Variants in NRG4 observed in about 807,000 individuals in gnomAD.
NRG4 encodes the protein neuregulin 4.
In NRG4, 10 loss-of-function variants were observed where a neutral mutation model predicts 15.0. The ratio of observed to expected loss-of-function variants is 0.67; its 90% confidence interval spans 0.41 to 1.13. The LOEUF is 1.13. Among genes scored for constraint, NRG4 ranks in the 50% most tolerant of loss-of-function variants. The pLI, the probability that NRG4 is intolerant of heterozygous loss-of-function variation, is 0.00. For missense variants in NRG4, 139 were observed against 140.2 expected, an observed-to-expected ratio of 0.99 and a Z score of 0.04; for synonymous variants, 41 against 50.1, an observed-to-expected ratio of 0.82 and a Z score of 0.77.
chr15:76,010,870 T>G (rs1345373198), intron 2 of NRG4, among the ~76,000 whole-genome samples: 1 of 152,140 alleles, frequency 6.6e-6, no homozygotes, highest in African/African-American at 2.4e-5. Context: ...TTGGCATTTA[T>G]TTTATCAATA....
intron 3 of NRG4, among the ~76,000 whole-genome samples, chr15:76,007,131 T>C (rs1486496406): frequency 6.6e-6 from 1 of 151,156 alleles, no homozygotes; most frequent in Non-Finnish European, 1.5e-5. Context: ...CATTAAATAC[T>C]GCCTATTAGA....
intron 3 of NRG4, among the ~76,000 whole-genome samples, chr15:76,000,681 T>A (rs995693388): frequency 1.3e-5 from 2 of 152,194 alleles, no homozygotes; most frequent in African/African-American, 4.8e-5. Flanking sequence ...TACTGATATA[T>A]AATTGTATAA....
chr15:75,973,888 A>C (rs2033235329), intron 3 of NRG4, among the ~76,000 whole-genome samples: 2 of 152,176 alleles, frequency 1.3e-5, no homozygotes, highest in African/African-American at 4.8e-5. Context: ...TCATAAAATG[A>C]TTTAGGGAGG....
intron 5 of NRG4, among the ~76,000 whole-genome samples, chr15:76,031,583 G>A (rs1270700040): frequency 2.6e-5 from 4 of 152,154 alleles, no homozygotes; most frequent in South Asian, 2.1e-4. Flanking sequence ...CCAGCTACTC[G>A]GGAGGCTGAG....
Position 75,966,679 on chromosome 15 carries a change from C to A in NRG4, c.105-4705G>T, listed in dbSNP as rs74522842. Among the ~76,000 whole-genome samples the A allele has an allele frequency of 9.1e-3, 1,388 of 152,272 alleles. 8 individuals are homozygous for A. The highest frequency in any genetic ancestry group is 0.016 in the Non-Finnish European group (1,071 of 68,018). On this transcript the variant is annotated intron_variant, in intron 3 of 5. Coordinates refer to ENST00000394907, the MANE Select transcript of NRG4 (RefSeq NM_138573.4). ...CTGGTCTATCCTGGAAAGAGAAAGT[C>A]TAATACTGGCATACGTCAAATCTGG...
Position 75,963,069 on chromosome 15 carries a change from G to A in NRG4, c.105-1095C>T, listed in dbSNP as rs73449058. 5.0e-3 allele frequency among the ~76,000 whole-genome samples: 769 copies of A among 152,296 alleles called. 4 individuals carry two copies. The highest frequency in any genetic ancestry group is 0.017 in the African/African-American group (724 of 41,554). ...TTAACTACTAGCTTTGATAACTAAT[G>A]TGATAGTCTAATAAAGCAGTATACA... is the stretch of plus-strand genomic sequence containing the variant. On this transcript the variant is annotated intron_variant, in intron 3 of 5. Coordinates refer to ENST00000394907, the MANE Select transcript of NRG4 (RefSeq NM_138573.4).
intron 5 of NRG4, among the ~76,000 whole-genome samples, chr15:76,019,567 C>A (rs532748905): frequency 2.7e-4 from 41 of 152,280 alleles, no homozygotes; most frequent in African/African-American, 9.4e-4. Context: ...TGGAGTGCAC[C>A]GTCCCTCATG....
chr15:76,008,951 T>A lies in NRG4; in HGVS notation c.104+249A>T, dbSNP rs563179698. On this transcript the variant is annotated intron_variant, in intron 3 of 5. Coordinates refer to ENST00000394907, the MANE Select transcript of NRG4 (RefSeq NM_138573.4). ...GAGTTCACTAAAAGGGATTATTTTT[T>A]AAAAATGTGTCTAGGCTAGGAACTA... is the stretch of plus-strand genomic sequence containing the variant. 7.2e-5 allele frequency among the ~76,000 whole-genome samples: 11 copies of A among 152,322 alleles called. 1 individual carries two copies. The East Asian group carries it at 1.5e-3, about 21-fold the overall frequency.
rs370981926 is a variant in NRG4 at position 75,941,962 on chromosome 15, T to C, written c.*1676A>G. 24 of 38,806 alleles carry C rather than the reference T, an allele frequency of 6.2e-4. No homozygotes were observed. The highest frequency in any genetic ancestry group is 1.5e-3 in the African/African-American group (18 of 11,914). The allele number at this position is 38,806 out of a possible 1,614,324, so 2.4% of individuals were successfully genotyped here. On this transcript the variant is annotated 3_prime_UTR_variant, in exon 6 of 6. Coordinates refer to ENST00000394907, the MANE Select transcript of NRG4 (RefSeq NM_138573.4). ...CACCAAAAAAAAAAAAAAAAAAAAA[T>C]ATGGCCTAGCTTTTTTTTTTTTTTT... is the stretch of plus-strand genomic sequence containing the variant.
chr15:76,001,793 T>C (rs170830), intron 3 of NRG4, among the ~76,000 whole-genome samples: 7,422 of 152,252 alleles, frequency 0.049, 349 homozygotes, highest in African/African-American at 0.13. Context: ...ATCAACGTAT[T>C]TTTTGGTTTT....
Position 76,031,147 on chromosome 15 carries a change from G to A in NRG4, c.-57+4797C>T, listed in dbSNP as rs1596044371. 2.0e-5 allele frequency among the ~76,000 whole-genome samples: 3 copies of A among 151,892 alleles called. No homozygotes were observed. The South Asian group carries it at 6.2e-4, about 32-fold the overall frequency. On this transcript the variant is annotated intron_variant, in intron 5 of 8. Transcript: ENST00000563910. ...TGTCACCTCAATAGATTCAAAAAAG[G>A]CATCTGATAAAACTTCAATATCCAT...
intron 5 of NRG4, among the ~76,000 whole-genome samples, chr15:75,945,046 A>G (rs2031402466): frequency 6.6e-6 from 1 of 151,712 alleles, no homozygotes; most frequent in Non-Finnish European, 1.5e-5. Context: ...GTCACTGAAC[A>G]TTCTGGGGAA....
intron 3 of NRG4, among the ~76,000 whole-genome samples, chr15:76,008,865 C>T (rs139459156): frequency 1.3e-5 from 2 of 152,078 alleles, no homozygotes; most frequent in Non-Finnish European, 2.9e-5. Context: ...TAGCAAATTC[C>T]CTAGCTGTTT....
intron 3 of NRG4, among the ~76,000 whole-genome samples, chr15:75,995,733 T>C (rs1185032081): frequency 1.3e-5 from 2 of 152,162 alleles, no homozygotes; most frequent in Admixed American, 6.5e-5. Context: ...CAAAGTTCCT[T>C]TAAATAATAG....
intron 4 of NRG4, among the ~76,000 whole-genome samples, chr15:76,038,552 G>A (rs1445480691): frequency 6.6e-6 from 1 of 152,188 alleles, no homozygotes; most frequent in Non-Finnish European, 1.5e-5. Context: ...GGAAAAGTGA[G>A]AACTGTTTTT....
intron 3 of NRG4, among the ~76,000 whole-genome samples, chr15:75,965,204 G>A (rs1198271685): frequency 2.6e-5 from 4 of 151,920 alleles, no homozygotes; most frequent in Non-Finnish European, 4.4e-5. Context: ...CAGCTTGGGC[G>A]ACAGGGTGAG....
rs1230454518 is a variant in NRG4, at chr15:75,941,657, A to G, written c.*1981T>C. 1 of 152,212 alleles carries G rather than the reference A, an allele frequency of 6.6e-6. No homozygotes were observed. Among genetic ancestry groups the G allele is most frequent in the Non-Finnish European group, 1.5e-5 (1 of 68,012 alleles). 9.4% of individuals were successfully genotyped at this position (152,212 alleles called of 1,614,324 possible). A position where few individuals can be genotyped will look rare whatever the true frequency, so the allele number is the denominator to read the frequency against. ...TTTCAGACATTAAGTAAATCACAAA[A>G]GGACAATACTATATGAATCCACTGA... On this transcript the variant is annotated 3_prime_UTR_variant, in exon 6 of 6. Transcript: ENST00000394907.
At chr15:75,940,292 T>C (rs1426083197), downstream of NRG4, 2 of 152,076 alleles carry the variant, frequency 1.3e-5, no homozygotes, top group African/African-American at 2.4e-5. Context: ...CCCAAGGTGG[T>C]AAATGGCTTG....
upstream of NRG4, among the ~76,000 whole-genome samples, chr15:76,017,395 G>A (rs1165605428): frequency 1.3e-5 from 2 of 152,028 alleles, no homozygotes; most frequent in African/African-American, 2.4e-5. Context: ...ATGCTAGCTA[G>A]TTGTTTTGCC....
Sources: allele counts gnomAD v4.1 joint callset (sites outside exome capture counted in the v4.1 genomes callset), GRCh38; gene constraint gnomAD v4.1.1; transcripts MANE v1.5; gene names NCBI Gene and HGNC (gene_info 2026-07-23, HGNC 2026-07-21).